The following CATSPER1 variants were observed in gnomAD, a reference collection of about 807,000 sequenced individuals.
CATSPER1 encodes the protein cation channel sperm associated 1, also known as cation channel sperm-associated protein 1.
In CATSPER1, 57 loss-of-function variants were observed where a neutral mutation model predicts 72.7. That is an observed-to-expected ratio of 0.78 (90% CI 0.63 to 0.98). CATSPER1 has a LOEUF of 0.98. CATSPER1 is among the 50% of genes least tolerant of loss of function. CATSPER1 has a pLI of 0.00. For synonymous variants in CATSPER1, 363 were observed against 403.0 expected (o/e 0.90, Z 1.19); for missense variants, 910 against 1,033.9 (o/e 0.88, Z 1.64).
intron 10 of CATSPER1, 68 bp from the exon 11 acceptor site, chr11:66,017,242 C>T (rs889972688): frequency 7.2e-6 from 8 of 1,104,338 alleles, no homozygotes; most frequent in African/African-American, 3.1e-5. Context: ...CTACTGCACC[C>T]CAGAACCACC....
chr11:66,026,217 C>G lies in CATSPER1; in HGVS notation c.163G>C (p.Gly55Arg), dbSNP rs576598349. 6.2e-7 allele frequency: 1 copy of G among 1,610,732 alleles called. No homozygotes were observed. The highest frequency in any genetic ancestry group is 8.5e-7 in the Non-Finnish European group (1 of 1,177,210). ...AACTCCGGAGGGTGGTGAGATTCAC[C>G]ACGTTGGTGGGGCACGCCGTGATGG... is the stretch of plus-strand genomic sequence containing the variant. Reference protein sequence around the residue: ...LHHHGVPHQRGESHHPPEFQD... With the variant: ...LHHHGVPHQRRESHHPPEFQD... Residue 55 changes from glycine to arginine, a missense_variant, in exon 1 of 12, where the codon GGT becomes CGT. Physicochemically the swap from Gly to Arg is moderately radical, Grantham distance 125. Coordinates refer to ENST00000312106, the MANE Select transcript of CATSPER1 (RefSeq NM_053054.4).
At chr11:66,018,399 C>T (rs1367371617) in intron 10 of CATSPER1, among the ~76,000 whole-genome samples, 1 of 152,036 alleles carries the variant, frequency 6.6e-6, no homozygotes, top group Non-Finnish European at 1.5e-5. Flanking sequence ...CATCGGACCT[C>T]CAGGCCTTGA....
Position 66,020,829 on chromosome 11 carries a change from T to C in CATSPER1, c.1909A>G (p.Met637Val). 1 of 1,613,676 alleles carries C rather than the reference T, an allele frequency of 6.2e-7. No homozygotes were observed. The highest frequency in any genetic ancestry group is 8.5e-7 in the Non-Finnish European group (1 of 1,179,982). ...GCCCTACCCTGGGCACGGCTGTCCATGTAGATGAGGGACCAGTCATCCAGC... is the reference window on the plus strand; with the variant it reads ...GCCCTACCCTGGGCACGGCTGTCCACGTAGATGAGGGACCAGTCATCCAGC... ...LTLDDWSLIY[M>V]DSRAQGAWYI... Residue 637 changes from methionine (M) to valine (V), a missense_variant, in exon 6 of 12, where the codon ATG (methionine) becomes GTG (valine). Physicochemically the swap from Met to Val is conservative, Grantham distance 21. Coordinates refer to ENST00000312106, the MANE Select transcript of CATSPER1 (RefSeq NM_053054.4). This position sits in a 1 kb window ranked among gnomAD's most constrained non-coding sequence, Gnocchi z 4.5.
rs778859431 is a variant in CATSPER1, at chr11:66,022,912, C to A, written c.1366G>T (p.Val456Phe). ...SLAFETFIFF[V>F]VCLNTVMLVA... ...AGCATGACGGTGTTGAGGCAGACAA[C>A]GAAGAAGATGAAAGTTTCAAAGGCC... The change falls in exon 2 of 12, where the codon GTT becomes TTT. Residue 456 changes from valine to phenylalanine, a missense_variant. By Grantham distance (50) the Val-to-Phe change is conservative. Coordinates refer to ENST00000312106, the MANE Select transcript of CATSPER1 (RefSeq NM_053054.4). The A allele has an allele frequency of 1.9e-6, 3 of 1,614,088 alleles. No homozygotes were observed. The highest frequency in any genetic ancestry group is 2.5e-6 in the Non-Finnish European group (3 of 1,180,048).
Position 66,025,545 on chromosome 11 carries a change from G to C in CATSPER1, c.835C>G (p.His279Asp), listed in dbSNP as rs201195978. Residue 279 changes from histidine (H) to aspartate (D), a missense_variant, in exon 1 of 12, where the codon CAT becomes GAT. Transcript: ENST00000312106. ...TGTGTGTGGTGGGGATGGTCGCCAT[G>C]GTGGTACTCACTGGGGTGGTGATCA... ...QGDHHPSEYH[H>D]GDHPHHTQHH... The C allele has an allele frequency of 3.7e-5, 60 of 1,602,346 alleles. 1 individual carries two copies. The African/African-American group carries it at 7.5e-4, about 20-fold the overall frequency.
In CATSPER1 at chr11:66,020,769, CGCCAATCCCCGGCCCTCCCT is replaced by C; in HGVS notation, c.1927+22_1927+41del. The C allele has an allele frequency of 6.2e-7, 1 of 1,613,006 alleles. No homozygotes were observed. The highest frequency in any genetic ancestry group is 8.5e-7 in the Non-Finnish European group (1 of 1,179,748). On this transcript the variant is annotated intron_variant, in intron 6 of 11. Transcript: ENST00000312106. This position sits in a 1 kb window ranked among gnomAD's most constrained non-coding sequence, Gnocchi z 4.5. ...TCACTGAGCCCTGGCCGGTCCACCC[CGCCAATCCCCGGCCCTCCCT>C]GCAGCCTGGGGCCTGCCCTACCCTG...
At position 66,021,253 on chromosome 11, in the gene CATSPER1, C is replaced by G. The variant is rs1324979865; in HGVS notation, c.1692-68G>C. ...GGGGGTGTGTGTCTCTGCCCAGCAG[C>G]CACAGCTGGCGCTGAAGGCAGGAGG... On this transcript the variant is annotated intron_variant, in intron 4 of 11. Coordinates refer to ENST00000312106, the MANE Select transcript of CATSPER1 (RefSeq NM_053054.4). 8.2e-6 allele frequency: 12 copies of G among 1,470,048 alleles called. No homozygotes were observed. The East Asian group carries it at 2.1e-4, about 26-fold the overall frequency. The allele number at this position is 1,470,048 out of a possible 1,614,324, so 91.1% of individuals were successfully genotyped here.
rs1397680948 is a variant in CATSPER1, at chr11:66,026,336, T to C, written c.44A>G (p.Asp15Gly). 6.2e-7 allele frequency: 1 copy of C among 1,614,136 alleles called. No homozygotes were observed. The highest frequency in any genetic ancestry group is 1.3e-5 in the African/African-American group (1 of 75,066). The change falls in exon 1 of 12, where the codon GAC becomes GGC. Residue 15 changes from aspartate to glycine, a missense_variant. Asp to Gly is a moderately conservative substitution (Grantham distance 94). Coordinates refer to ENST00000312106, the MANE Select transcript of CATSPER1 (RefSeq NM_053054.4). Reference sequence around the variant, plus strand: ...AAAGAACCTATCTGCGTTATTGGTGTCTGCCTCATTCTGAGCCTTTTCAGG... The same window carrying C: ...AAAGAACCTATCTGCGTTATTGGTGCCTGCCTCATTCTGAGCCTTTTCAGG... Reference protein sequence around the residue: ...SVPEKAQNEADTNNADRFFRS... With the variant: ...SVPEKAQNEAGTNNADRFFRS...
Position 66,017,194 on chromosome 11 carries a change from T to TGGGGGGGGGGGGGGGGCCCC in CATSPER1, c.2202-21_2202-20insGGGGCCCCCCCCCCCCCCCC. The TGGGGGGGGGGGGGGGGCCCC allele has an allele frequency of 3.6e-6, 2 of 550,264 alleles. No homozygotes were observed. The highest frequency in any genetic ancestry group is 6.8e-6 in the Non-Finnish European group (2 of 295,844). 34.1% of individuals were successfully genotyped at this position (550,264 alleles called of 1,614,324 possible). Reference sequence around the variant, plus strand: ...TGCTGCCTGCGGGTGGGCGGGGGGGTCGCAGAGACAGGGGCTGGGCTGACC... The same window carrying TGGGGGGGGGGGGGGGGCCCC: ...TGCTGCCTGCGGGTGGGCGGGGGGGTGGGGGGGGGGGGGGGGCCCCCGCAGAGACAGGGGCTGGGCTGACC... On this transcript the variant is annotated intron_variant, in intron 10 of 11. Transcript: ENST00000312106.
At chr11:66,019,300 G>A (rs368312116) in intron 9 of CATSPER1, among the ~76,000 whole-genome samples, 42 of 149,446 alleles carry the variant, frequency 2.8e-4, no homozygotes, top group African/African-American at 9.9e-4. Flanking sequence ...TTTTTGAGAC[G>A]GAATCTCACT....
At chr11:66,025,135 T>C in intron 1 of CATSPER1, 29 bp downstream of exon 1, 1 of 1,613,634 alleles carries the variant, frequency 6.2e-7, no homozygotes, top group Non-Finnish European at 8.5e-7. Flanking sequence ...GCAGCAGGAG[T>C]TGGCATGGGG....
chr11:66,019,333 G>A (rs1856306485), intron 9 of CATSPER1, among the ~76,000 whole-genome samples: 1 of 151,416 alleles, frequency 6.6e-6, no homozygotes. Flanking sequence ...CTGGAGTGCA[G>A]TGGCACAACC....
In CATSPER1 at chr11:66,026,292, G is replaced by C. The variant is rs959661620; in HGVS notation, c.88C>G (p.Pro30Ala). ...CTGCTGTGGCCTGGCCTGTGGTGTG[G>C]GGGTGATGAGTGAGAGCGAAAGAAC... ...DRFFRSHSSP[P>A]HHRPGHSRAL... The change falls in exon 1 of 12, where the codon CCA becomes GCA. Residue 30 changes from proline to alanine, a missense_variant. Coordinates refer to ENST00000312106, the MANE Select transcript of CATSPER1 (RefSeq NM_053054.4). The C allele has an allele frequency of 1.2e-6, 2 of 1,614,108 alleles. No individual in the cohort carries two copies. The highest frequency in any genetic ancestry group is 1.3e-5 in the African/African-American group (1 of 74,946).
chr11:66,025,675 G>C lies in CATSPER1; in HGVS notation c.705C>G (p.His235Gln). ...HHGRSRHHEA[H>Q]QHGKSPHHGE... is the part of the protein sequence containing the mutation. ...CGTGATGAGGAGACTTTCCATGCTG[G>C]TGGGCTTCATGATGACGGGACCTGC... is the stretch of plus-strand genomic sequence containing the variant. The change falls in exon 1 of 12, where the codon CAC becomes CAG. Residue 235 changes from histidine to glutamine, a missense_variant. Transcript: ENST00000312106. 1.9e-6 allele frequency: 3 copies of C among 1,614,036 alleles called. No individual in the cohort carries two copies. Among genetic ancestry groups the C allele is most frequent in the South Asian group, 2.2e-5 (2 of 91,076 alleles).
intron 1 of CATSPER1, among the ~76,000 whole-genome samples, chr11:66,023,934 G>T (rs935014946): frequency 2.6e-5 from 4 of 151,260 alleles, no homozygotes; most frequent in African/African-American, 9.7e-5. Context: ...CTCTCTGCTT[G>T]TTCCTGAGAC....
At chr11:66,021,938 C>T (rs1198090234) in intron 2 of CATSPER1, 59 bp from the exon 3 acceptor site, 1 of 1,311,486 alleles carries the variant, frequency 7.6e-7, no homozygotes, top group Admixed American at 1.7e-5. Context: ...CCTCTCTCTC[C>T]TCAGCATTAG....
intron 1 of CATSPER1, 118 bp downstream of exon 1, chr11:66,025,046 G>T: frequency 8.3e-7 from 1 of 1,207,772 alleles, no homozygotes; most frequent in Non-Finnish European, 1.2e-6. Context: ...GCCAGTGGGG[G>T]ACCTGTGCAG....
intron 10 of CATSPER1, among the ~76,000 whole-genome samples, chr11:66,018,035 C>T (rs12421022): frequency 0.26 from 38,664 of 151,462 alleles, 5,150 homozygotes; most frequent in Admixed American, 0.36. Flanking sequence ...CCTGTCTCTA[C>T]TAAAAAAATA....
chr11:66,025,702 A>G lies in CATSPER1; in HGVS notation c.678T>C (p.His226=), dbSNP rs372432257. 3.7e-6 allele frequency: 6 copies of G among 1,613,778 alleles called. No individual in the cohort carries two copies. The African/African-American group carries it at 8.0e-5, about 22-fold the overall frequency. ...GWPHHHQVHH[H]GRSRHHEAHQ... The stretch of plus-strand genomic sequence containing the variant: ...GGGCTTCATGATGACGGGACCTGCC[A>G]TGGTGGTGGACTTGGTGATGGTGGG... Residue 226 remains histidine, a synonymous_variant, in exon 1 of 12, where the codon CAT becomes CAC. Transcript: ENST00000312106.
Sources: allele counts gnomAD v4.1 joint callset (sites outside exome capture counted in the v4.1 genomes callset), GRCh38; gene constraint gnomAD v4.1.1; non-coding constraint Gnocchi (gnomAD v3.1); transcripts MANE v1.5; gene names NCBI Gene and HGNC (gene_info 2026-07-23, HGNC 2026-07-21).